The following TMEM50B variants were observed in gnomAD, a reference collection of about 807,000 sequenced individuals.
TMEM50B encodes the protein transmembrane protein 50B, also known as HCV p7-trans-regulated protein 3.
TMEM50B carries 14 observed loss-of-function variants against 23.4 expected under a neutral mutation model. That is an observed-to-expected ratio of 0.60 (90% CI 0.39 to 0.93). TMEM50B has a LOEUF of 0.93. Ranked by LOEUF, TMEM50B falls within the 40% of genes least tolerant of loss-of-function variation. The pLI is 0.00. For synonymous variants in TMEM50B, 64 were observed against 62.3 expected (o/e 1.03, Z -0.13); for missense variants, 159 against 193.0 (o/e 0.82, Z 1.04).
downstream of TMEM50B, chr21:33,448,999 T>A (rs1391451764): frequency 6.6e-6 from 1 of 151,992 alleles, no homozygotes; most frequent in East Asian, 1.9e-4. Flanking sequence ...TCAATAACCC[T>A]CACATAAGCA....
At chr21:33,439,410 C>CA (rs1169157932) in intron 7 of TMEM50B, 1 of 152,076 alleles carries the variant, frequency 6.6e-6, no homozygotes, top group African/African-American at 2.4e-5. Context: ...GACACAGTCT[C>CA]ACCCTGTTGC....
In TMEM50B at chr21:33,467,003, T is replaced by C. The variant is rs1158000572; in HGVS notation, c.212+7A>G. 6.8e-6 allele frequency: 11 copies of C among 1,610,592 alleles called. No individual in the cohort carries two copies. The highest frequency in any genetic ancestry group is 9.3e-6 in the Non-Finnish European group (11 of 1,177,202). On this transcript the variant is annotated splice_region_variant and intron_variant, in intron 3 of 6. Coordinates refer to ENST00000542230, the MANE Select transcript of TMEM50B (RefSeq NM_006134.7). ...CACCTTGAATAGAGAATTATCTTCA[T>C]ACTTACATGAAGAAAGCCAATGTGG...
chr21:33,474,573 C>A lies in TMEM50B; in HGVS notation c.-42+5265G>T, dbSNP rs567621420. 8.2e-4 allele frequency among the ~76,000 whole-genome samples: 122 copies of A among 149,682 alleles called. No homozygotes were observed. The Middle Eastern group carries it at 0.014, about 17-fold the overall frequency. On this transcript the variant is annotated intron_variant, in intron 1 of 6. Coordinates refer to ENST00000542230, the MANE Select transcript of TMEM50B (RefSeq NM_006134.7). The stretch of plus-strand genomic sequence containing the variant: ...CCAAGGTGGGTGGATTACCTGAGGT[C>A]AGGAGTTCGACACCAGCCTGGTGAA...
At chr21:33,473,772 G>A (rs777982644) in intron 1 of TMEM50B, among the ~76,000 whole-genome samples, 6 of 152,064 alleles carry the variant, frequency 3.9e-5, no homozygotes, top group East Asian at 1.9e-4. Context: ...TAATTGCCAC[G>A]GAGTGGAAGC....
intron 5 of TMEM50B, among the ~76,000 whole-genome samples, chr21:33,458,326 C>G (rs2084188144): frequency 6.6e-6 from 1 of 152,066 alleles, no homozygotes; most frequent in African/African-American, 2.4e-5. Flanking sequence ...CCAGCCTGAC[C>G]AATATGGTGA....
chr21:33,439,457 G>A (rs184482690), intron 7 of TMEM50B, among the ~76,000 whole-genome samples: 44 of 152,132 alleles, frequency 2.9e-4, no homozygotes, highest in East Asian at 2.5e-3. Context: ...TCACTTCACT[G>A]CAACCTCTGC....
intron 1 of TMEM50B, among the ~76,000 whole-genome samples, chr21:33,470,899 A>G (rs533548665): frequency 6.6e-6 from 1 of 152,290 alleles, no homozygotes; most frequent in East Asian, 1.9e-4. Flanking sequence ...CAAAGAAAAA[A>G]AAAGAAAGAA....
rs1487483817 is a variant in TMEM50B at position 33,458,513 on chromosome 21, C to CA, written c.373+1899dup. Among the ~76,000 whole-genome samples the CA allele has an allele frequency of 8.6e-5, 13 of 151,836 alleles. No homozygotes were observed. The South Asian group carries it at 1.3e-3, about 15-fold the overall frequency. On this transcript the variant is annotated intron_variant, in intron 5 of 6. Transcript: ENST00000542230. ...TGGGCGACAGAGCAAGGTTCTGTCT[C>CA]AAAAAAACACTTTCCTATAAGATTC...
intron 8 of TMEM50B, chr21:33,436,730 T>A (rs559854770): frequency 4.6e-5 from 46 of 991,080 alleles, no homozygotes; most frequent in Admixed American, 2.0e-4. Context: ...AAAAAAAAAA[T>A]AAAAATAAAA....
Position 33,438,444 on chromosome 21 carries a change from G to A in TMEM50B, c.*2120+770C>T, listed in dbSNP as rs200353245. 5.9e-5 allele frequency among the ~76,000 whole-genome samples: 9 copies of A among 152,322 alleles called. No individual in the cohort carries two copies. In the East Asian group the frequency reaches 1.2e-3, roughly 20 times the overall value. ...AATAGTAATGTTATCTACTGAGCAC[G>A]CAAGTCATCTGATTGTGTCAGTACT... On this transcript the variant is annotated intron_variant and NMD_transcript_variant, in intron 8 of 8. Coordinates refer to the TMEM50B transcript ENST00000420455.
At chr21:33,459,662 C>G (rs369613535) in intron 5 of TMEM50B, among the ~76,000 whole-genome samples, 151 of 91,440 alleles carry the variant, frequency 1.7e-3, no homozygotes, top group African/African-American at 6.9e-3. Flanking sequence ...AGTGAGACTC[C>G]GTCTCAAAAA....
At position 33,457,093 on chromosome 21, in the gene TMEM50B, A is replaced by G. The variant is rs2084175920; in HGVS notation, c.374-1309T>C. On this transcript the variant is annotated intron_variant, in intron 5 of 6. Transcript: ENST00000542230. ...AACATGGGGAAACCCTGTCTCTACT[A>G]AAAATACAAAATTAGCCAAGTGTGG... Among the ~76,000 whole-genome samples, 3 of 151,990 alleles carry G rather than the reference A, an allele frequency of 2.0e-5. No homozygotes were observed. In the South Asian group the frequency reaches 6.2e-4, roughly 32 times the overall value.
Position 33,455,758 on chromosome 21 carries a change from C to A in TMEM50B, c.400G>T (p.Val134Leu), listed in dbSNP as rs765112620. Residue 134 changes from valine to leucine, a missense_variant, in exon 6 of 7, where the codon GTG (valine) becomes TTG (leucine). Val to Leu is a conservative substitution (Grantham distance 32). Transcript: ENST00000542230. The stretch of plus-strand genomic sequence containing the variant: ...AATATAAGTGCATTTTGAAAAAACA[C>A]AGCTAGTCCCGGATAAACATCAGTA... ...QNTDVYPGLA[V>L]FFQNALIFFS... 1.2e-6 allele frequency: 2 copies of A among 1,613,812 alleles called. No homozygotes were observed. Among genetic ancestry groups the A allele is most frequent in the Non-Finnish European group, 1.7e-6 (2 of 1,179,924 alleles).
chr21:33,450,755 G>A lies in TMEM50B; in HGVS notation c.*63C>T. 1 of 1,357,806 alleles carries A rather than the reference G, an allele frequency of 7.4e-7. No homozygotes were observed. The highest frequency in any genetic ancestry group is 1.0e-6 in the Non-Finnish European group (1 of 961,684). The allele number at this position is 1,357,806 out of a possible 1,614,324, so 84.1% of individuals were successfully genotyped here. On this transcript the variant is annotated 3_prime_UTR_variant, in exon 7 of 7. Coordinates refer to ENST00000542230, the MANE Select transcript of TMEM50B (RefSeq NM_006134.7). ...TACTCCATTTGGCAATGTGTACTGA[G>A]AGATAAAAAACCTATCTACAAACAG...
intron 8 of TMEM50B, among the ~76,000 whole-genome samples, chr21:33,435,214 T>TG (rs1385998176): frequency 6.6e-6 from 1 of 152,192 alleles, no homozygotes; most frequent in Non-Finnish European, 1.5e-5. Flanking sequence ...CCCCTTTATA[T>TG]GTTAAGGCCT....
intron 3 of TMEM50B, among the ~76,000 whole-genome samples, chr21:33,466,504 T>C (rs1020793959): frequency 1.3e-5 from 2 of 151,926 alleles, no homozygotes; most frequent in Non-Finnish European, 2.9e-5. Flanking sequence ...ATAAAAATAA[T>C]ACTGCAAGGT....
chr21:33,471,996 C>A (rs1601133690), intron 1 of TMEM50B, among the ~76,000 whole-genome samples: 1 of 149,024 alleles, frequency 6.7e-6, no homozygotes, highest in South Asian at 2.1e-4. Flanking sequence ...GGCACCACTG[C>A]ACTCCAGCCT....
chr21:33,446,398 G>A (rs1403790875), downstream of TMEM50B, among the ~76,000 whole-genome samples: 1 of 150,778 alleles, frequency 6.6e-6, no homozygotes, highest in Non-Finnish European at 1.5e-5. Flanking sequence ...CACCATACTT[G>A]GCTAATTTTT....
At chr21:33,438,487 A>G (rs2083978516) in intron 8 of TMEM50B, among the ~76,000 whole-genome samples, 1 of 152,030 alleles carries the variant, frequency 6.6e-6, no homozygotes, top group South Asian at 2.1e-4. Flanking sequence ...TCTGTTGTTC[A>G]AAGGATATGT....
Sources: gnomAD v4.1 joint callset for allele counts (sites outside exome capture counted in the v4.1 genomes callset) on GRCh38, gnomAD v4.1.1 for gene constraint, MANE v1.5 for transcripts, NCBI Gene and HGNC (gene_info 2026-07-23, HGNC 2026-07-21) for gene names.